SLC5A11: variants seen among roughly 807,000 people sequenced by gnomAD.
SLC5A11 encodes the protein solute carrier family 5 member 11, also known as sodium/myo-inositol cotransporter 2.
In SLC5A11, 48 loss-of-function variants were observed where a neutral mutation model predicts 69.8. The ratio of observed to expected loss-of-function variants is 0.69; its 90% CI spans 0.55 to 0.87. The LOEUF is 0.87. Ranked by LOEUF, SLC5A11 falls within the 40% of genes least tolerant of loss-of-function variation. The pLI is 0.00. For missense variants in SLC5A11, 784 were observed against 866.1 expected (o/e 0.91, Z 1.19); for synonymous variants, 319 against 342.4 (o/e 0.93, Z 0.75).
At chr16:24,854,253 C>G (rs1366504223) in intron 1 of SLC5A11, among the ~76,000 whole-genome samples, 1 of 152,174 alleles carries the variant, frequency 6.6e-6, no homozygotes, top group Non-Finnish European at 1.5e-5. Context: ...ATGCTTCCTG[C>G]ACTTTTCTAC....
rs1290720984 is a variant in SLC5A11, at chr16:24,876,195, C to CA, written c.477+472dup. On this transcript the variant is annotated intron_variant, in intron 6 of 15. Transcript: ENST00000347898. ...TGGGTGAAAGAGCGAGACTCTGTGT[C>CA]AAAAAAAAGAAAAAAAAAAAAAAGA... Among the ~76,000 whole-genome samples, 91 of 114,752 alleles carry CA rather than the reference C, an allele frequency of 7.9e-4. 1 individual carries two copies. Among genetic ancestry groups the CA allele is most frequent in the African/African-American group, 2.5e-3 (79 of 31,708 alleles). 75.3% of individuals were successfully genotyped at this position (114,752 alleles called of 152,430 possible). A position where few individuals can be genotyped will look rare whatever the true frequency, so the allele number is the denominator to read the frequency against.
At chr16:24,872,110 T>C in intron 4 of SLC5A11, 50 bp from the exon 6 acceptor site, 2 of 1,611,986 alleles carry the variant, frequency 1.2e-6, no homozygotes, top group Non-Finnish European at 1.7e-6. Context: ...TCCAAATGGG[T>C]ACCTTGTTGT....
exon 2 of SLC5A11, chr16:24,858,675 C>T (rs1167599157): frequency 1.2e-6 from 2 of 1,610,888 alleles, no homozygotes; most frequent in Non-Finnish European, 1.7e-6. Flanking sequence ...CCTCAGCCTC[C>T]ACAGTTAGAT....
intron 8 of SLC5A11, among the ~76,000 whole-genome samples, 177 bp from the exon 10 acceptor site, chr16:24,890,692 C>A (rs1044129674): frequency 1.3e-5 from 2 of 151,806 alleles, no homozygotes; most frequent in African/African-American, 4.8e-5. Flanking sequence ...CAATAAAACT[C>A]TAATATTAAT....
chr16:24,886,548 C>G (rs2152349657), intron 8 of SLC5A11, among the ~76,000 whole-genome samples: 1 of 151,472 alleles, frequency 6.6e-6, no homozygotes, highest in South Asian at 2.1e-4. Flanking sequence ...TTAAAGTAAT[C>G]ACAAAAGAAA....
At chr16:24,898,604 T>C (rs1433241810) in intron 10 of SLC5A11, among the ~76,000 whole-genome samples, 2 of 150,228 alleles carry the variant, frequency 1.3e-5, no homozygotes, top group African/African-American at 4.9e-5. Flanking sequence ...CTGCAAGCTC[T>C]GCCTCCTGGG....
rs187948349 is a variant in SLC5A11, at chr16:24,851,149, A to G, written c.-25+4711A>G. ...TTTTATTTTTATTTTTATTGTTTTT[A>G]GAGATAGGGTCTCACTCTGTCACCA... On this transcript the variant is annotated intron_variant, in intron 1 of 15. Transcript: ENST00000347898. Among the ~76,000 whole-genome samples, 9 of 151,210 alleles carry G rather than the reference A, an allele frequency of 6.0e-5. No individual in the cohort carries two copies. The East Asian group carries it at 1.4e-3, about 23-fold the overall frequency.
chr16:24,909,706 G>A (rs556651811), intron 14 of SLC5A11, among the ~76,000 whole-genome samples: 1 of 146,414 alleles, frequency 6.8e-6, no homozygotes, highest in South Asian at 2.2e-4. Flanking sequence ...GCTCATGCCT[G>A]TAATCCCAGC....
intron 10 of SLC5A11, among the ~76,000 whole-genome samples, chr16:24,902,906 G>A (rs1005551586): frequency 1.3e-5 from 2 of 152,168 alleles, no homozygotes; most frequent in African/African-American, 4.8e-5. Flanking sequence ...TGTAGCAGAT[G>A]AGTCTCATAC....
At chr16:24,847,215 CCTTT>C (rs2059059506) in intron 1 of SLC5A11, among the ~76,000 whole-genome samples, 1 of 145,098 alleles carries the variant, frequency 6.9e-6, no homozygotes, top group Non-Finnish European at 1.5e-5. Context: ...TTTCCTTATT[CCTTT>C]CTTTCCCTTT....
intron 1 of SLC5A11, among the ~76,000 whole-genome samples, chr16:24,850,437 C>T (rs1031114060): frequency 1.3e-5 from 2 of 152,220 alleles, no homozygotes; most frequent in African/African-American, 4.8e-5. Flanking sequence ...ACTAGGCTCC[C>T]TAGACCCAGG....
intron 10 of SLC5A11, among the ~76,000 whole-genome samples, chr16:24,903,204 T>C (rs1481780385): frequency 1.3e-5 from 2 of 151,844 alleles, no homozygotes; most frequent in African/African-American, 4.8e-5. Flanking sequence ...TTTTTTTCTC[T>C]TATTATTTTT....
In SLC5A11 at chr16:24,860,698, G is replaced by GT. The variant is rs769815960; in HGVS notation, c.136-1895dup. Among the ~76,000 whole-genome samples, 88 of 151,654 alleles carry GT rather than the reference G, an allele frequency of 5.8e-4. 1 individual carries two copies. The highest frequency in any genetic ancestry group is 8.8e-4 in the Non-Finnish European group (60 of 67,886). On this transcript the variant is annotated intron_variant, in intron 2 of 15. Transcript: ENST00000347898. Reference sequence around the variant, plus strand: ...AGACTAGGAAAAATAATATCTCAAAGTTTTTTTTGTTTTTTGTTTTTTGTT... The same window carrying GT: ...AGACTAGGAAAAATAATATCTCAAAGTTTTTTTTTGTTTTTTGTTTTTTGTT...
chr16:24,861,219 C>T (rs910311386), intron 2 of SLC5A11, among the ~76,000 whole-genome samples: 3 of 151,988 alleles, frequency 2.0e-5, no homozygotes, highest in Non-Finnish European at 2.9e-5. Flanking sequence ...CACAGTGGCT[C>T]ACACCTGTAA....
At chr16:24,877,758 G>T (rs1022256664) in intron 7 of SLC5A11, among the ~76,000 whole-genome samples, 3 of 151,952 alleles carry the variant, frequency 2.0e-5, no homozygotes, top group Admixed American at 2.0e-4. Flanking sequence ...GGCCAAGGTG[G>T]GTGGATCACG....
chr16:24,881,439 A>G (rs1026553570), intron 7 of SLC5A11, among the ~76,000 whole-genome samples: 4 of 151,970 alleles, frequency 2.6e-5, no homozygotes, highest in Non-Finnish European at 5.9e-5. Flanking sequence ...GGTGCCAGTC[A>G]CTATGCCCGG....
chr16:24,880,073 TCA>T (rs2047938767), intron 7 of SLC5A11, among the ~76,000 whole-genome samples: 1 of 152,190 alleles, frequency 6.6e-6, no homozygotes, highest in Non-Finnish European at 1.5e-5. Flanking sequence ...AATTCAATTC[TCA>T]GTTCTCTCTC....
intron 2 of SLC5A11, among the ~76,000 whole-genome samples, chr16:24,861,753 G>A (rs896079186): frequency 2.1e-5 from 2 of 94,570 alleles, no homozygotes; most frequent in Admixed American, 1.0e-4. Flanking sequence ...GAAAGAAAAA[G>A]AAGGAAAGAA....
intron 1 of SLC5A11, among the ~76,000 whole-genome samples, chr16:24,847,425 C>T (rs958674953): frequency 7.3e-5 from 11 of 151,258 alleles, no homozygotes; most frequent in African/African-American, 2.2e-4. Context: ...CTCTCTCTCT[C>T]GTTTCTTTTC....
Sources: allele counts gnomAD v4.1 joint callset (sites outside exome capture counted in the v4.1 genomes callset), GRCh38; gene constraint gnomAD v4.1.1; transcripts MANE v1.5; gene names NCBI Gene and HGNC (gene_info 2026-07-23, HGNC 2026-07-21).